GALNTL6: variants seen among roughly 807,000 people sequenced by gnomAD.
GALNTL6 encodes the protein polypeptide N-acetylgalactosaminyltransferase-like 6.
A neutral mutation model predicts 73.7 loss-of-function variants in GALNTL6; 46 were observed. The ratio of observed to expected loss-of-function variants is 0.62; its 90% confidence interval spans 0.49 to 0.80. GALNTL6 has a LOEUF of 0.80. Ranked by LOEUF, GALNTL6 falls within the 30% of genes least tolerant of loss-of-function variation. The pLI, the probability that GALNTL6 is intolerant of heterozygous loss-of-function variation, is 0.00. For missense variants in GALNTL6, 604 were observed against 755.0 expected, an observed-to-expected ratio of 0.80 and a Z score of 2.34; for synonymous variants, 259 against 263.7, an observed-to-expected ratio of 0.98 and a Z score of 0.17.
intron 5 of GALNTL6, among the ~76,000 whole-genome samples, chr4:172,369,057 C>T (rs1742683079): frequency 6.6e-6 from 1 of 152,164 alleles, no homozygotes; most frequent in African/African-American, 2.4e-5. Context: ...ACTGCAGGCT[C>T]AGGCAGCCTG....
At chr4:172,810,144 A>G (rs1005567368) in intron 6 of GALNTL6, among the ~76,000 whole-genome samples, 8 of 152,198 alleles carry the variant, frequency 5.3e-5, no homozygotes, top group African/African-American at 1.9e-4. Context: ...GATTCCTTCT[A>G]ACACAGTGCA....
intron 5 of GALNTL6, among the ~76,000 whole-genome samples, chr4:172,747,506 G>T (rs1055497885): frequency 2.0e-5 from 3 of 152,004 alleles, no homozygotes; most frequent in Admixed American, 6.6e-5. Flanking sequence ...TTATCAAAAA[G>T]ATGAAAGGTA....
chr4:172,259,765 A>T (rs1738195357), intron 3 of GALNTL6, among the ~76,000 whole-genome samples: 1 of 151,742 alleles, frequency 6.6e-6, no homozygotes, highest in Admixed American at 6.6e-5. Flanking sequence ...TCTTTGATCC[A>T]TCTTGAGTAG....
chr4:172,245,031 C>T lies in GALNTL6; in HGVS notation c.247+15267C>T, dbSNP rs952806213. 1.5e-4 allele frequency among the ~76,000 whole-genome samples: 23 copies of T among 152,024 alleles called. 1 individual carries two copies. In the East Asian group the frequency reaches 2.9e-3, roughly 19 times the overall value. On this transcript the variant is annotated intron_variant, in intron 3 of 12. Transcript: ENST00000506823. ...AAGAAAATTTTCTGCTGAAGGAACACGGTATCTGGCAAGAATCAAGACGAA... is the reference window on the plus strand; with the variant it reads ...AAGAAAATTTTCTGCTGAAGGAACATGGTATCTGGCAAGAATCAAGACGAA...
intron 5 of GALNTL6, among the ~76,000 whole-genome samples, chr4:172,589,845 G>C (rs1579218536): frequency 6.6e-6 from 1 of 151,888 alleles, no homozygotes; most frequent in East Asian, 1.9e-4. Flanking sequence ...CTCTCTCTCT[G>C]TCTCTCTCTC....
intron 2 of GALNTL6, among the ~76,000 whole-genome samples, chr4:172,045,770 A>G (rs1461928196): frequency 6.6e-6 from 1 of 151,738 alleles, no homozygotes; most frequent in Non-Finnish European, 1.5e-5. Flanking sequence ...AACTAAAAAA[A>G]AAAAAGAAAA....
chr4:172,131,146 T>C (rs1733480724), intron 2 of GALNTL6, among the ~76,000 whole-genome samples: 1 of 151,738 alleles, frequency 6.6e-6, no homozygotes, highest in Non-Finnish European at 1.5e-5. Flanking sequence ...TTAAAGAAAA[T>C]ATATGTAAGT....
intron 5 of GALNTL6, among the ~76,000 whole-genome samples, chr4:172,659,880 C>T (rs1731278914): frequency 6.6e-6 from 1 of 152,096 alleles, no homozygotes; most frequent in South Asian, 2.1e-4. Flanking sequence ...TCCAGCATGC[C>T]CTTCCTGAAG....
intron 3 of GALNTL6, among the ~76,000 whole-genome samples, chr4:172,284,844 A>G (rs562175940): frequency 3.3e-5 from 5 of 152,124 alleles, no homozygotes; most frequent in African/African-American, 1.2e-4. Flanking sequence ...CCATTGGTCT[A>G]TATATCTGTT....
intron 10 of GALNTL6, among the ~76,000 whole-genome samples, chr4:173,001,301 C>T (rs1258281631): frequency 6.6e-6 from 1 of 152,108 alleles, no homozygotes; most frequent in African/African-American, 2.4e-5. Context: ...CTTCGGAAGC[C>T]ATTTCAAACT....
rs570758569 is a variant in GALNTL6, at chr4:172,439,101, T to C, written c.553+90412T>C. Among the ~76,000 whole-genome samples, 6 of 151,924 alleles carry C rather than the reference T, an allele frequency of 3.9e-5. No homozygotes were observed. In the East Asian group the frequency reaches 5.8e-4, roughly 15 times the overall value. On this transcript the variant is annotated intron_variant, in intron 5 of 12. Transcript: ENST00000506823. ...TTCTATCATTATACTAACATGCTTT[T>C]ATAATTCCTAATTTTAAAAACCTTC...
intron 2 of GALNTL6, among the ~76,000 whole-genome samples, chr4:171,824,077 TTATATA>T (rs3080307): frequency 0.032 from 4,099 of 129,104 alleles, 79 homozygotes; most frequent in East Asian, 0.052. Flanking sequence ...CAAATCCATT[TTATATA>T]TATATATATA....
intron 3 of GALNTL6, among the ~76,000 whole-genome samples, chr4:172,251,322 A>G (rs773321330): frequency 1.2e-4 from 19 of 152,138 alleles, no homozygotes; most frequent in Admixed American, 3.9e-4. Flanking sequence ...GCTTTACCCA[A>G]AGTCCACCAA....
intron 3 of GALNTL6, among the ~76,000 whole-genome samples, chr4:172,258,213 A>G (rs1738147317): frequency 6.6e-6 from 1 of 151,360 alleles, no homozygotes; most frequent in African/African-American, 2.4e-5. Context: ...CACTAAGCCT[A>G]CAATTATTTG....
chr4:172,234,997 A>G (rs1017540029), intron 3 of GALNTL6, among the ~76,000 whole-genome samples: 4 of 152,212 alleles, frequency 2.6e-5, no homozygotes, highest in East Asian at 1.9e-4. Flanking sequence ...TTGATTATCT[A>G]TTTCTTCTGG....
intron 5 of GALNTL6, among the ~76,000 whole-genome samples, chr4:172,576,762 C>T (rs961070047): frequency 3.4e-4 from 52 of 152,114 alleles, no homozygotes; most frequent in African/African-American, 1.2e-3. Flanking sequence ...TAAGAAAAAG[C>T]CTAATAAGGA....
chr4:172,229,802 C>A (rs531936186), intron 3 of GALNTL6, 38 bp downstream of exon 3: 2 of 1,215,602 alleles, frequency 1.6e-6, no homozygotes, highest in Non-Finnish European at 2.4e-6. Context: ...CTATTTCACT[C>A]GCAGCAGTGT....
chr4:172,693,442 CAA>C (rs1442457313), intron 5 of GALNTL6, among the ~76,000 whole-genome samples: 1 of 152,314 alleles, frequency 6.6e-6, no homozygotes, highest in East Asian at 1.9e-4. Context: ...TCTGTACCAA[CAA>C]TCTCTTCTTA....
chr4:172,930,810 G>A (rs927866538), intron 8 of GALNTL6, among the ~76,000 whole-genome samples: 14 of 152,066 alleles, frequency 9.2e-5, no homozygotes, highest in African/African-American at 2.7e-4. Context: ...GACTGAAGGC[G>A]CACACCACCA....
Sources: allele counts gnomAD v4.1 joint callset (sites outside exome capture counted in the v4.1 genomes callset), GRCh38; gene constraint gnomAD v4.1.1; transcripts MANE v1.5; gene names NCBI Gene and HGNC (gene_info 2026-07-23, HGNC 2026-07-21).